The following ZYG11B variants were observed in gnomAD, a reference collection of about 807,000 sequenced individuals.
The protein encoded by ZYG11B is zyg-11 family member B, cell cycle regulator.
In ZYG11B, 36 loss-of-function variants were observed where a neutral mutation model predicts 82.4. The ratio of observed to expected loss-of-function variants is 0.44; its 90% CI spans 0.33 to 0.58. The LOEUF (loss-of-function observed/expected upper bound fraction) is 0.58. ZYG11B is among the 20% of genes least tolerant of loss of function. The pLI is 0.02. For synonymous variants in ZYG11B, 303 were observed against 312.8 expected (o/e 0.97, Z 0.33); for missense variants, 552 against 895.6 (o/e 0.62, Z 4.90).
At chr1:52,730,960 T>G (rs1644326828) in intron 1 of ZYG11B, among the ~76,000 whole-genome samples, 1 of 151,682 alleles carries the variant, frequency 6.6e-6, no homozygotes, top group Non-Finnish European at 1.5e-5. Flanking sequence ...GGGATTAAAT[T>G]GTAGGAGTTA....
intron 4 of ZYG11B, among the ~76,000 whole-genome samples, chr1:52,782,447 C>T (rs1400265644): frequency 6.6e-6 from 1 of 151,942 alleles, no homozygotes; most frequent in Non-Finnish European, 1.5e-5. Flanking sequence ...CAGTGGTGCA[C>T]GATCATAGTT....
chr1:52,746,687 GTTTTTTTTTTTTTTT>G (rs11446988), intron 1 of ZYG11B, among the ~76,000 whole-genome samples: 5 of 33,506 alleles, frequency 1.5e-4, no homozygotes, highest in African/African-American at 3.8e-4. Context: ...ATCGGCCACT[GTTTTTTTTTTTTTTT>G]TTTTTTTTTT....
At chr1:52,818,447 C>G (rs1393821735) in intron 13 of ZYG11B, among the ~76,000 whole-genome samples, 1 of 151,624 alleles carries the variant, frequency 6.6e-6, no homozygotes, top group East Asian at 2.0e-4. Context: ...GCACTCTGGC[C>G]TGGGTGACAG....
intron 1 of ZYG11B, among the ~76,000 whole-genome samples, chr1:52,750,197 A>G (rs932367892): frequency 3.3e-5 from 5 of 152,010 alleles, no homozygotes; most frequent in Non-Finnish European, 7.4e-5. Context: ...TCCGGGGTTC[A>G]GGCGATTCTC....
chr1:52,771,747 AT>A lies in ZYG11B; in HGVS notation c.926del (p.Phe309SerfsTer8). On this transcript the variant is annotated frameshift_variant, in exon 3 of 14. Coordinates refer to ENST00000294353, the MANE Select transcript of ZYG11B (RefSeq NM_024646.3). LOFTEE classifies it high-confidence loss of function. The surrounding 1 kb of genome is among the most constrained non-coding windows in gnomAD (Gnocchi z 5.4). Reference protein sequence around the residue: ...LLATDAGYSEFLTGEGHLKVS... With the variant: ...LLATDAGYSEXLTGEGHLKVS... The stretch of plus-strand genomic sequence containing the variant: ...TGGCTACTGATGCTGGTTACTCTGA[AT>A]TCCTCACAGGCGAAGGACATTTGAA... 1 of 1,612,580 alleles carries A rather than the reference AT, an allele frequency of 6.2e-7. No individual in the cohort carries two copies. Among genetic ancestry groups the A allele is most frequent in the Non-Finnish European group, 8.5e-7 (1 of 1,178,910 alleles).
At position 52,826,628 on chromosome 1, in the gene ZYG11B, TTC is replaced by T. The variant is rs1645327506; in HGVS notation, c.*5006_*5007del. The T allele has an allele frequency of 2.0e-5, 3 of 152,216 alleles. No individual in the cohort carries two copies. The highest frequency in any genetic ancestry group is 7.2e-5 in the African/African-American group (3 of 41,456). 9.4% of individuals were successfully genotyped at this position (152,216 alleles called of 1,614,324 possible). On this transcript the variant is annotated 3_prime_UTR_variant, in exon 14 of 14. Transcript: ENST00000294353. ...AAGAAAGAGACTTTTCTTCCTGTTT[TTC>T]TCTCTCCCCATTTTTTGGGGTAAGT...
intron 2 of ZYG11B, among the ~76,000 whole-genome samples, chr1:52,760,926 C>T (rs528855192): frequency 9.9e-5 from 15 of 150,756 alleles, no homozygotes; most frequent in African/African-American, 3.4e-4. Flanking sequence ...CTATGCACAG[C>T]TAATTTTTGT....
At position 52,753,644 on chromosome 1, in the gene ZYG11B, C is replaced by T. The variant is rs367652057; in HGVS notation, c.31-2814C>T. Among the ~76,000 whole-genome samples the T allele has an allele frequency of 4.7e-3, 712 of 151,562 alleles. 3 individuals carry two copies. Among genetic ancestry groups the T allele is most frequent in the South Asian group, 0.02 (97 of 4,796 alleles). On this transcript the variant is annotated intron_variant, in intron 1 of 13. Transcript: ENST00000294353. The stretch of plus-strand genomic sequence containing the variant: ...AGAGTTTCGCTCTTGTTGCCCAGGC[C>T]GGAGTGCAATGGTGTGATCTCGGCT...
chr1:52,730,575 C>T (rs992585017), intron 1 of ZYG11B, among the ~76,000 whole-genome samples: 7 of 152,262 alleles, frequency 4.6e-5, no homozygotes, highest in South Asian at 2.1e-4. Flanking sequence ...GGGATCTTCC[C>T]GCTTTGGCCT....
In ZYG11B at chr1:52,823,111, A is replaced by G. The variant is rs988737686; in HGVS notation, c.*1482A>G. The G allele has an allele frequency of 6.6e-6, 1 of 152,078 alleles. No individual in the cohort carries two copies. The allele number at this position is 152,078 out of a possible 1,614,324, so 9.4% of individuals were successfully genotyped here. ...ACCATTATCACAATAATCAGACTTG[A>G]ATTTTTTTTGGAGTTCCTTCATGTG... is the stretch of plus-strand genomic sequence containing the variant. On this transcript the variant is annotated 3_prime_UTR_variant, in exon 14 of 14. Transcript: ENST00000294353.
intron 1 of ZYG11B, among the ~76,000 whole-genome samples, chr1:52,740,010 GTTAA>G (rs1481276786): frequency 1.3e-5 from 2 of 152,242 alleles, no homozygotes; most frequent in African/African-American, 2.4e-5. Flanking sequence ...AAACTGAGAA[GTTAA>G]TTGACTTTCC....
chr1:52,726,843 C>T (rs1325480224), intron 1 of ZYG11B, among the ~76,000 whole-genome samples, 160 bp downstream of exon 1: 2 of 151,988 alleles, frequency 1.3e-5, no homozygotes, highest in East Asian at 1.9e-4. Context: ...TGTTCAGCTC[C>T]TCCTTCCCCA....
At chr1:52,746,874 G>C (rs903768438) in intron 1 of ZYG11B, among the ~76,000 whole-genome samples, 6 of 147,986 alleles carry the variant, frequency 4.1e-5, no homozygotes, top group Non-Finnish European at 6.0e-5. Flanking sequence ...TTTATTTTTG[G>C]AGTTTTTTTT....
At position 52,799,257 on chromosome 1, in the gene ZYG11B, G is replaced by A. The variant is rs373288769; in HGVS notation, c.1485+2473G>A. Among the ~76,000 whole-genome samples, 7 of 152,170 alleles carry A rather than the reference G, an allele frequency of 4.6e-5. No individual in the cohort carries two copies. The East Asian group carries it at 1.2e-3, about 25-fold the overall frequency. On this transcript the variant is annotated intron_variant, in intron 8 of 13. Transcript: ENST00000294353. ...AATGCCAGCAATCTGGGAGGCCGAG[G>A]CGGGTGGATCACAAGGTCAGGAGAT... is the stretch of plus-strand genomic sequence containing the variant.
intron 1 of ZYG11B, among the ~76,000 whole-genome samples, chr1:52,729,654 A>G (rs1046415645): frequency 2.6e-5 from 4 of 152,250 alleles, no homozygotes; most frequent in African/African-American, 9.6e-5. Context: ...AGCCTGGCCA[A>G]CATGGCAAAG....
chr1:52,731,242 T>G (rs1233689781), intron 1 of ZYG11B, among the ~76,000 whole-genome samples: 1 of 148,426 alleles, frequency 6.7e-6, no homozygotes, highest in Admixed American at 6.9e-5. Context: ...GCCACTGCAC[T>G]CCAGCCTGGG....
At chr1:52,819,918 TA>T (rs1263424517) in intron 13 of ZYG11B, among the ~76,000 whole-genome samples, 39 of 152,012 alleles carry the variant, frequency 2.6e-4, no homozygotes, top group African/African-American at 9.4e-4. Flanking sequence ...TATTTTATTT[TA>T]TTTTATTTTT....
intron 3 of ZYG11B, among the ~76,000 whole-genome samples, chr1:52,776,395 A>C (rs1003973330): frequency 1.4e-5 from 2 of 146,312 alleles, no homozygotes; most frequent in Non-Finnish European, 3.0e-5. Context: ...TTAGCCGGGC[A>C]TGGTGACAGA....
At chr1:52,733,306 T>C (rs1015394284) in intron 1 of ZYG11B, among the ~76,000 whole-genome samples, 1 of 152,220 alleles carries the variant, frequency 6.6e-6, no homozygotes, top group Non-Finnish European at 1.5e-5. Context: ...TTATTCTTTT[T>C]TATTAAATGT....
Sources: allele counts gnomAD v4.1 joint callset (sites outside exome capture counted in the v4.1 genomes callset), GRCh38; gene constraint gnomAD v4.1.1; non-coding constraint Gnocchi (gnomAD v3.1); transcripts MANE v1.5; gene names NCBI Gene and HGNC (gene_info 2026-07-23, HGNC 2026-07-21).